Variants in UMAD1 observed in about 807,000 individuals in gnomAD.
UMAD1 encodes the protein UBAP1-MVB12-associated (UMA) domain containing 1.
UMAD1 carries 8 observed loss-of-function variants against 6.1 expected under a neutral mutation model. That is an observed-to-expected ratio of 1.30 (90% CI 0.76 to 2.35). UMAD1 has a LOEUF of 2.35. Among genes scored for constraint, UMAD1 ranks in the 30% most tolerant of loss-of-function variants. The pLI is 0.00. For synonymous variants in UMAD1, 56 were observed against 31.4 expected (o/e 1.78, Z -2.61); for missense variants, 130 against 78.4 (o/e 1.66, Z -2.49).
intron 2 of UMAD1, among the ~76,000 whole-genome samples, chr7:7,712,634 T>C (rs1780794588): frequency 1.3e-5 from 2 of 152,320 alleles, no homozygotes; most frequent in African/African-American, 4.8e-5. Context: ...GAATAGTGAG[T>C]TTTGTTTCAT....
chr7:7,670,459 A>G (rs776956031), intron 1 of UMAD1, among the ~76,000 whole-genome samples: 3 of 152,198 alleles, frequency 2.0e-5, no homozygotes. Flanking sequence ...AAACTGTCCT[A>G]TTATGTCTCC....
rs2108002 is a variant in UMAD1 at position 7,688,130 on chromosome 7, G to A, written c.82+14677G>A. Among the ~76,000 whole-genome samples the A allele has an allele frequency of 4.5e-4, 68 of 152,282 alleles. 2 individuals carry two copies. In the South Asian group the frequency reaches 0.013, roughly 30 times the overall value. ...TCTGACACTACATGTAAAATTTTAG[G>A]TTTGTATTTTTGGGGGGAGAACATT... On this transcript the variant is annotated intron_variant, in intron 2 of 3. Coordinates refer to ENST00000682710, the MANE Select transcript of UMAD1 (RefSeq NM_001302348.2).
At chr7:7,788,913 C>T (rs1057486543) in intron 2 of UMAD1, among the ~76,000 whole-genome samples, 1 of 152,160 alleles carries the variant, frequency 6.6e-6, no homozygotes, top group African/African-American at 2.4e-5. Context: ...CCCTGAAATT[C>T]TCCATAATCT....
At chr7:7,812,597 C>CT (rs1783041207) in intron 3 of UMAD1, among the ~76,000 whole-genome samples, 1 of 152,026 alleles carries the variant, frequency 6.6e-6, no homozygotes, top group Non-Finnish European at 1.5e-5. Context: ...GAAATACTAG[C>CT]TTTTTGTTTA....
At chr7:7,796,240 C>CTTTCTT (rs1489458555) in intron 2 of UMAD1, among the ~76,000 whole-genome samples, 1 of 95,984 alleles carries the variant, frequency 1.0e-5, no homozygotes, top group African/African-American at 5.7e-5. Context: ...TTTCTATTTT[C>CTTTCTT]TTTCTTTTTT....
At chr7:7,705,945 A>G (rs1239624166) in intron 2 of UMAD1, among the ~76,000 whole-genome samples, 1 of 152,156 alleles carries the variant, frequency 6.6e-6, no homozygotes, top group East Asian at 1.9e-4. Flanking sequence ...CTATGAACCT[A>G]AAACTGCTCT....
intron 2 of UMAD1, among the ~76,000 whole-genome samples, chr7:7,678,419 T>C (rs1252729919): frequency 6.9e-6 from 1 of 144,436 alleles, no homozygotes; most frequent in African/African-American, 2.5e-5. Context: ...TAAAAAAATA[T>C]ATTTATATAT....
rs536202405 is a variant in UMAD1, at chr7:7,673,444, G to A, written c.73G>A (p.Val25Ile). 140 of 857,712 alleles carry A rather than the reference G, an allele frequency of 1.6e-4. 2 individuals carry two copies. In the African/African-American group the frequency reaches 1.9e-3, roughly 11 times the overall value. The allele number at this position is 857,712 out of a possible 1,614,324, so 53.1% of individuals were successfully genotyped here. A position where few individuals can be genotyped will look rare whatever the true frequency, so the allele number is the denominator to read the frequency against. ...ACCAGAGACAGAAGCAGATGGATTC[G>A]TCCTTTTAGGTGAGTCTTTTTAAGA... Reference protein sequence around the residue: ...SVPETEADGFVLLGDTTDEQR... With the variant: ...SVPETEADGFILLGDTTDEQR... The change falls in exon 2 of 4, where the codon GTC (valine) becomes ATC (isoleucine). Residue 25 changes from valine (V) to isoleucine (I), a missense_variant. Val to Ile is a conservative substitution (Grantham distance 29). Coordinates refer to ENST00000682710, the MANE Select transcript of UMAD1 (RefSeq NM_001302348.2).
chr7:7,769,538 A>C (rs1333607067), intron 2 of UMAD1, among the ~76,000 whole-genome samples: 2 of 152,130 alleles, frequency 1.3e-5, no homozygotes, highest in South Asian at 4.1e-4. Flanking sequence ...TTCCCCAGTG[A>C]AATGCTCGTC....
intron 3 of UMAD1, among the ~76,000 whole-genome samples, chr7:7,822,087 G>A (rs1230738984): frequency 6.6e-6 from 1 of 152,062 alleles, no homozygotes; most frequent in Non-Finnish European, 1.5e-5. Flanking sequence ...GAACTGGAAA[G>A]CAAGCATTTA....
Position 7,653,246 on chromosome 7 carries a change from T to C in UMAD1, c.-64+12425T>C, listed in dbSNP as rs565807220. ...TCAAATCAAAATGGTTTGTGGCAGT[T>C]ATGCAGTTATATTTGTAACTTTCCT... On this transcript the variant is annotated intron_variant, in intron 1 of 3. Coordinates refer to ENST00000682710, the MANE Select transcript of UMAD1 (RefSeq NM_001302348.2). Among the ~76,000 whole-genome samples the C allele has an allele frequency of 5.3e-5, 8 of 152,356 alleles. 1 individual carries two copies. The highest frequency in any genetic ancestry group is 1.9e-4 in the African/African-American group (8 of 41,578).
intron 3 of UMAD1, among the ~76,000 whole-genome samples, chr7:7,847,005 A>G (rs866223298): frequency 7.6e-6 from 1 of 132,212 alleles, no homozygotes; most frequent in African/African-American, 2.9e-5. Context: ...ATGTATACAT[A>G]TGTAACTAAC....
At chr7:7,744,264 A>G (rs1781527184) in intron 2 of UMAD1, among the ~76,000 whole-genome samples, 2 of 152,070 alleles carry the variant, frequency 1.3e-5, no homozygotes, top group Non-Finnish European at 2.9e-5. Flanking sequence ...ATTCATTTTT[A>G]TTGTTGAATA....
chr7:7,703,585 C>A (rs1019015007), intron 2 of UMAD1, among the ~76,000 whole-genome samples: 1 of 152,200 alleles, frequency 6.6e-6, no homozygotes, highest in Non-Finnish European at 1.5e-5. Flanking sequence ...CAGGCACTTA[C>A]AACACAGGTG....
intron 2 of UMAD1, among the ~76,000 whole-genome samples, chr7:7,743,288 G>A (rs2024372): frequency 0.5 from 76,697 of 152,000 alleles, 19,821 homozygotes; most frequent in Middle Eastern, 0.59. Context: ...TAATTAGCAA[G>A]GGATAGTAGA....
chr7:7,822,264 C>T (rs1197462811), intron 3 of UMAD1, among the ~76,000 whole-genome samples: 1 of 151,774 alleles, frequency 6.6e-6, no homozygotes, highest in African/African-American at 2.4e-5. Context: ...AAGAGAGAGG[C>T]AGTTGGGTAA....
intron 3 of UMAD1, among the ~76,000 whole-genome samples, chr7:7,820,997 G>A (rs13234190): frequency 0.14 from 21,458 of 152,178 alleles, 1,654 homozygotes; most frequent in Admixed American, 0.16. Flanking sequence ...TTAAGTACTA[G>A]TTATTAATGA....
intron 3 of UMAD1, among the ~76,000 whole-genome samples, chr7:7,808,452 G>T (rs1782960328): frequency 6.6e-6 from 1 of 151,970 alleles, no homozygotes; most frequent in South Asian, 2.1e-4. Context: ...TGTGAAAACT[G>T]GAACCGTATT....
At chr7:7,865,865 A>G (rs1435009737) in intron 3 of UMAD1, among the ~76,000 whole-genome samples, 1 of 152,202 alleles carries the variant, frequency 6.6e-6, no homozygotes, top group Non-Finnish European at 1.5e-5. Flanking sequence ...CAGTGAGAAG[A>G]TGGGTCTGTA....
Sources: allele counts gnomAD v4.1 joint callset (sites outside exome capture counted in the v4.1 genomes callset), GRCh38; gene constraint gnomAD v4.1.1; transcripts MANE v1.5; gene names NCBI Gene and HGNC (gene_info 2026-07-23, HGNC 2026-07-21).